PCDH9: variants seen among roughly 807,000 people sequenced by gnomAD.
PCDH9 encodes protocadherin 9.
In PCDH9, 24 loss-of-function variants were observed where a neutral mutation model predicts 70.6. The ratio of observed to expected loss-of-function variants is 0.34; its 90% confidence interval spans 0.25 to 0.48. PCDH9 has a LOEUF of 0.48. Among genes scored for constraint, PCDH9 ranks in the 20% least tolerant of loss-of-function variants. The pLI is 0.99. For synonymous variants in PCDH9, 562 were observed against 558.5 expected, an observed-to-expected ratio of 1.01 and a Z score of -0.09; for missense variants, 1,281 against 1,503.6, an observed-to-expected ratio of 0.85 and a Z score of 2.45.
At chr13:66,496,563 T>C (rs1007580483) in intron 4 of PCDH9, among the ~76,000 whole-genome samples, 4 of 152,196 alleles carry the variant, frequency 2.6e-5, no homozygotes, top group Non-Finnish European at 5.9e-5. Flanking sequence ...TAAATAAATA[T>C]TTTATGTGAC....
intron 3 of PCDH9, among the ~76,000 whole-genome samples, chr13:66,851,940 G>A (rs1466062746): frequency 6.6e-6 from 1 of 152,054 alleles, no homozygotes; most frequent in East Asian, 1.9e-4. Flanking sequence ...CCTTGCATAT[G>A]CAGCTGTCTT....
chr13:66,833,113 C>T lies in PCDH9; in HGVS notation c.3138+70391G>A, dbSNP rs114054599. On this transcript the variant is annotated intron_variant, in intron 3 of 4. Transcript: ENST00000377865. ...GGTCTCGTAGCCAACAAGTATTTAC[C>T]CTTCCTAACAATCCTGCCCGTTAAT... Among the ~76,000 whole-genome samples the T allele has an allele frequency of 1.8e-3, 268 of 152,138 alleles. 2 individuals carry two copies. Among genetic ancestry groups the T allele is most frequent in the African/African-American group, 6.1e-3 (255 of 41,508 alleles).
chr13:66,584,500 T>C (rs945783267), intron 4 of PCDH9, among the ~76,000 whole-genome samples: 4 of 152,178 alleles, frequency 2.6e-5, no homozygotes, highest in Non-Finnish European at 5.9e-5. Flanking sequence ...ACATTAGATA[T>C]TGTCACCGTG....
chr13:66,369,221 G>T (rs567242245), intron 4 of PCDH9, among the ~76,000 whole-genome samples: 31 of 152,188 alleles, frequency 2.0e-4, no homozygotes, highest in African/African-American at 7.5e-4. Flanking sequence ...TAGATACTTT[G>T]ACACTTATCT....
chr13:66,368,283 C>T (rs1158349181), intron 4 of PCDH9, among the ~76,000 whole-genome samples: 1 of 151,350 alleles, frequency 6.6e-6, no homozygotes, highest in Non-Finnish European at 1.5e-5. Flanking sequence ...TTCCTTTTAC[C>T]AAGAGATACA....
At chr13:67,161,486 C>A (rs1057328241) in intron 2 of PCDH9, among the ~76,000 whole-genome samples, 7 of 152,190 alleles carry the variant, frequency 4.6e-5, no homozygotes, top group Admixed American at 3.3e-4. Flanking sequence ...ATAGCTAAAT[C>A]TCTTTTTTCC....
intron 4 of PCDH9, among the ~76,000 whole-genome samples, chr13:66,423,402 T>C (rs189814920): frequency 7.3e-5 from 11 of 150,408 alleles, no homozygotes; most frequent in Admixed American, 2.7e-4. Flanking sequence ...CTAATATCCC[T>C]GATGAACATC....
At chr13:66,437,404 C>CAAAAAAAAAAAAAAAAAAAAAAAA (rs66796123) in intron 4 of PCDH9, among the ~76,000 whole-genome samples, 1 of 45,588 alleles carries the variant, frequency 2.2e-5, no homozygotes, top group African/African-American at 6.9e-5. Context: ...GACTCTGTCT[C>CAAAAAAAAAAAAAAAAAAAAAAAA]AAAAAAAAAA....
chr13:67,016,820 T>C (rs536526908), intron 2 of PCDH9, among the ~76,000 whole-genome samples: 67 of 152,364 alleles, frequency 4.4e-4, no homozygotes, highest in African/African-American at 1.4e-3. Context: ...ATTATACTTA[T>C]GTGTAGGTTC....
At chr13:66,507,781 G>A (rs922265500) in intron 4 of PCDH9, among the ~76,000 whole-genome samples, 1 of 152,040 alleles carries the variant, frequency 6.6e-6, no homozygotes, top group Non-Finnish European at 1.5e-5. Context: ...GAGTTCAGTG[G>A]TGCGATATTG....
chr13:66,403,709 A>T (rs1222481179), intron 4 of PCDH9, among the ~76,000 whole-genome samples: 1 of 152,178 alleles, frequency 6.6e-6, no homozygotes, highest in Non-Finnish European at 1.5e-5. Context: ...CCCATTAAAA[A>T]TCAGAGCAAT....
intron 4 of PCDH9, among the ~76,000 whole-genome samples, chr13:66,617,664 G>A (rs1276852641): frequency 1.3e-5 from 2 of 152,150 alleles, no homozygotes; most frequent in Non-Finnish European, 2.9e-5. Flanking sequence ...GTGCAAACTG[G>A]TAAAAGGCCT....
chr13:66,463,750 T>C (rs1042920961), intron 4 of PCDH9, among the ~76,000 whole-genome samples: 2 of 151,768 alleles, frequency 1.3e-5, no homozygotes, highest in African/African-American at 4.8e-5. Flanking sequence ...CATAGAAATA[T>C]CGTGCTCAGA....
chr13:67,217,964 C>T (rs980857013), intron 2 of PCDH9: 2 of 152,060 alleles, frequency 1.3e-5, no homozygotes, highest in Non-Finnish European at 2.9e-5. Flanking sequence ...CTTTCAGTCA[C>T]ATCCAGTGTT....
chr13:66,611,391 G>T (rs1379434257), intron 4 of PCDH9, among the ~76,000 whole-genome samples: 2 of 152,148 alleles, frequency 1.3e-5, no homozygotes, highest in African/African-American at 4.8e-5. Flanking sequence ...AAGATTGGGA[G>T]TCTGGAATAT....
At chr13:66,571,618 G>C (rs2076734223) in intron 4 of PCDH9, among the ~76,000 whole-genome samples, 1 of 151,862 alleles carries the variant, frequency 6.6e-6, no homozygotes, top group East Asian at 1.9e-4. Context: ...TCGCTTGATA[G>C]TTCAACGGCT....
Position 66,835,707 on chromosome 13 carries a change from T to C in PCDH9, c.3138+67797A>G, listed in dbSNP as rs148900806. Among the ~76,000 whole-genome samples the C allele has an allele frequency of 6.8e-4, 103 of 152,308 alleles. 2 individuals carry two copies. In the East Asian group the frequency reaches 0.015, roughly 23 times the overall value. ...GTCTATAAACATCTGAATTAATACA[T>C]TTACAACCAATGGACTTCATTTCTT... On this transcript the variant is annotated intron_variant, in intron 3 of 4. Transcript: ENST00000377865.
At chr13:66,354,640 AT>A (rs1956349029) in intron 4 of PCDH9, among the ~76,000 whole-genome samples, 1 of 152,140 alleles carries the variant, frequency 6.6e-6, no homozygotes, top group Non-Finnish European at 1.5e-5. Context: ...TGAAAAATAG[AT>A]TTTAAGAAAT....
intron 2 of PCDH9, chr13:67,210,087 T>A (rs2089437948): frequency 6.6e-6 from 1 of 152,090 alleles, no homozygotes; most frequent in African/African-American, 2.4e-5. Flanking sequence ...AAAGTTGAAA[T>A]ATGCTAAAGT....
Sources: allele counts gnomAD v4.1 joint callset (sites outside exome capture counted in the v4.1 genomes callset), GRCh38; gene constraint gnomAD v4.1.1; transcripts MANE v1.5; gene names NCBI Gene and HGNC (gene_info 2026-07-23, HGNC 2026-07-21).